The following TPCN1 variants were observed in gnomAD, a reference collection of about 807,000 sequenced individuals.
TPCN1 encodes two pore segment channel 1, also known as two pore channel protein 1.
A neutral mutation model predicts 108.8 loss-of-function variants in TPCN1; 52 were observed. That is an observed-to-expected ratio of 0.48 (90% CI 0.38 to 0.60). TPCN1 has a LOEUF of 0.60. TPCN1 is among the 20% of genes least tolerant of loss of function. The pLI is 0.00. For missense variants in TPCN1, 806 were observed against 1,072.8 expected, an observed-to-expected ratio of 0.75 and a Z score of 3.47; for synonymous variants, 446 against 433.7, an observed-to-expected ratio of 1.03 and a Z score of -0.35.
At chr12:113,247,818 C>T (rs932003553) in intron 2 of TPCN1, among the ~76,000 whole-genome samples, 2 of 152,238 alleles carry the variant, frequency 1.3e-5, no homozygotes, top group Non-Finnish European at 2.9e-5. Context: ...CCAGTGTCAC[C>T]CCAGGCCTTC....
intron 27 of TPCN1, among the ~76,000 whole-genome samples, chr12:113,295,252 T>C (rs1392002830): frequency 1.3e-5 from 2 of 151,996 alleles, no homozygotes; most frequent in Non-Finnish European, 2.9e-5. Flanking sequence ...AACTAGGCCA[T>C]CTCGAAGCTC....
At position 113,286,977 on chromosome 12, in the gene TPCN1, C is replaced by T. The variant is rs1279590852; in HGVS notation, c.1527-10C>T. The T allele has an allele frequency of 1.2e-6, 2 of 1,610,412 alleles. No homozygotes were observed. On this transcript the variant is annotated splice_polypyrimidine_tract_variant and intron_variant, in intron 18 of 27. Coordinates refer to ENST00000335509, the MANE Select transcript of TPCN1 (RefSeq NM_017901.6). ...CCACAGGGTGGACCTTGGCCTCTCC[C>T]CTACTGCAGGTTTGACTTCTCCGTG...
chr12:113,234,688 A>G (rs1953818625), intron 2 of TPCN1, among the ~76,000 whole-genome samples: 1 of 152,096 alleles, frequency 6.6e-6, no homozygotes, highest in Non-Finnish European at 1.5e-5. Flanking sequence ...TGTAGCAAAA[A>G]ATTTGAGAGC....
intron 10 of TPCN1, among the ~76,000 whole-genome samples, chr12:113,274,075 C>T (rs975565973): frequency 7.9e-5 from 12 of 152,186 alleles, no homozygotes; most frequent in African/African-American, 2.9e-4. Flanking sequence ...TTGCAGATAA[C>T]CTGTGTACAT....
chr12:113,290,148 C>T lies in TPCN1; in HGVS notation c.1817C>T (p.Ala606Val). The change falls in exon 22 of 28, where the codon GCC (alanine) becomes GTC (valine). Residue 606 changes from alanine (A) to valine (V), a missense_variant. Coordinates refer to ENST00000335509, the MANE Select transcript of TPCN1 (RefSeq NM_017901.6). ...GCCAGCACGAGTACAGTGGCAGATG[C>T]CTACCGCTGGCGCAACCACACCGTG... ...NCCNTSTVADAYRWRNHTVGN... is the reference protein window; with the variant it reads ...NCCNTSTVADVYRWRNHTVGN... 1.3e-6 allele frequency: 2 copies of T among 1,599,250 alleles called. No individual in the cohort carries two copies. Among genetic ancestry groups the T allele is most frequent in the Non-Finnish European group, 1.7e-6 (2 of 1,172,452 alleles).
In TPCN1 at chr12:113,288,738, C is replaced by G; in HGVS notation, c.1707-20C>G. ...TCCCTCCTGCCGGCCCCGCGTCACC[C>G]TGCCCCTGTCGCCCCACAGCCTGGG... On this transcript the variant is annotated intron_variant, in intron 20 of 27. Transcript: ENST00000335509. This position sits in a 1 kb window ranked among gnomAD's most constrained non-coding sequence, Gnocchi z 4.8. 6.2e-7 allele frequency: 1 copy of G among 1,610,834 alleles called. No individual in the cohort carries two copies. The highest frequency in any genetic ancestry group is 8.5e-7 in the Non-Finnish European group (1 of 1,179,880).
Position 113,267,922 on chromosome 12 carries a change from A to G in TPCN1, c.494A>G (p.His165Arg). 1 of 1,614,042 alleles carries G rather than the reference A, an allele frequency of 6.2e-7. No individual in the cohort carries two copies. Among genetic ancestry groups the G allele is most frequent in the Non-Finnish European group, 8.5e-7 (1 of 1,179,942 alleles). The change falls in exon 5 of 28, where the codon CAC becomes CGC. Residue 165 changes from histidine (H) to arginine (R), a missense_variant. Transcript: ENST00000335509. Reference protein sequence around the residue: ...LCMKLRWLGLHTFIRHKRTMV... With the variant: ...LCMKLRWLGLRTFIRHKRTMV... ...ATGAAGTTACGCTGGCTGGGCCTCC[A>G]CACCTTCATCCGGCACAAGCGGACC... is the stretch of plus-strand genomic sequence containing the variant.
At chr12:113,261,692 G>C (rs1401956682) in intron 3 of TPCN1, among the ~76,000 whole-genome samples, 1 of 152,072 alleles carries the variant, frequency 6.6e-6, no homozygotes, top group Non-Finnish European at 1.5e-5. Context: ...GCCTCCCAAA[G>C]TGCTGGGGTT....
chr12:113,223,911 T>TA (rs752106222), intron 1 of TPCN1, among the ~76,000 whole-genome samples: 6 of 151,376 alleles, frequency 4.0e-5, no homozygotes, highest in East Asian at 3.9e-4. Flanking sequence ...ACTCACCAGT[T>TA]AAAAAAAAAT....
At chr12:113,270,393 C>G (rs927375051) in intron 7 of TPCN1, among the ~76,000 whole-genome samples, 2 of 152,098 alleles carry the variant, frequency 1.3e-5, no homozygotes, top group Non-Finnish European at 2.9e-5. Context: ...GGCCTATTTC[C>G]TGATCCATAG....
chr12:113,276,539 C>T (rs769099026), intron 10 of TPCN1, among the ~76,000 whole-genome samples: 1 of 152,100 alleles, frequency 6.6e-6, no homozygotes, highest in Non-Finnish European at 1.5e-5. Flanking sequence ...TGGCTGGAGT[C>T]GGACTGGGCT....
At chr12:113,235,753 G>A (rs1316405971) in intron 2 of TPCN1, among the ~76,000 whole-genome samples, 1 of 152,124 alleles carries the variant, frequency 6.6e-6, no homozygotes, top group Non-Finnish European at 1.5e-5. Context: ...GTTTAGGGGA[G>A]GTGGACATGG....
intron 2 of TPCN1, among the ~76,000 whole-genome samples, chr12:113,258,903 C>G (rs1392544255): frequency 2.6e-5 from 4 of 152,188 alleles, no homozygotes; most frequent in Non-Finnish European, 5.9e-5. Context: ...CTGTCAGTCT[C>G]CTGTCCCTTG....
At position 113,288,333 on chromosome 12, in the gene TPCN1, C is replaced by A. The variant is rs1455430371; in HGVS notation, c.1706+99C>A. ...TGGCAGTCGGGGGAAAGGAGTTCCACAAAGGACTGCAATCGAGGGCCTGAC... is the reference window on the plus strand; with the variant it reads ...TGGCAGTCGGGGGAAAGGAGTTCCAAAAAGGACTGCAATCGAGGGCCTGAC... On this transcript the variant is annotated intron_variant, in intron 20 of 27. Coordinates refer to ENST00000335509, the MANE Select transcript of TPCN1 (RefSeq NM_017901.6). This position sits in a 1 kb window ranked among gnomAD's most constrained non-coding sequence, Gnocchi z 4.8. 3 of 1,566,158 alleles carry A rather than the reference C, an allele frequency of 1.9e-6. No individual in the cohort carries two copies. Among genetic ancestry groups the A allele is most frequent in the African/African-American group, 2.7e-5 (2 of 73,916 alleles).
In TPCN1 at chr12:113,277,372, C is replaced by T; in HGVS notation, c.1184+8C>T. The T allele has an allele frequency of 6.2e-7, 1 of 1,614,056 alleles. No individual in the cohort carries two copies. The highest frequency in any genetic ancestry group is 8.5e-7 in the Non-Finnish European group (1 of 1,179,982). On this transcript the variant is annotated splice_region_variant and intron_variant, in intron 12 of 27. Coordinates refer to ENST00000335509, the MANE Select transcript of TPCN1 (RefSeq NM_017901.6). ...CAACACACCCCTGCTCAGGTAAGAGCAGATGCCTGGTAGGGGCAGCATGGC... is the reference window on the plus strand; with the variant it reads ...CAACACACCCCTGCTCAGGTAAGAGTAGATGCCTGGTAGGGGCAGCATGGC...
In TPCN1 at chr12:113,291,715, C is replaced by T. The variant is rs765998801; in HGVS notation, c.2028+38C>T. The T allele has an allele frequency of 2.5e-6, 4 of 1,604,538 alleles. No individual in the cohort carries two copies. The East Asian group carries it at 9.0e-5, about 36-fold the overall frequency. ...CCACAGAACGCTCTTTGTCCTTCGT[C>T]TTCCACATCACCAGCTGCCCCTGCT... On this transcript the variant is annotated intron_variant, in intron 24 of 27. Coordinates refer to ENST00000335509, the MANE Select transcript of TPCN1 (RefSeq NM_017901.6).
Position 113,269,799 on chromosome 12 carries a change from C to T in TPCN1, c.702C>T (p.Asp234=). ...QIFQSLPPFM[D]ILLLLLFFMI... is the part of the protein sequence containing the mutation. ...TCCAGTCCCTGCCGCCCTTCATGGACATCCTCCTGCTGCTGCTGTTCTTCA... is the reference window on the plus strand; with the variant it reads ...TCCAGTCCCTGCCGCCCTTCATGGATATCCTCCTGCTGCTGCTGTTCTTCA... The change falls in exon 7 of 28, where the codon GAC becomes GAT. Residue 234 remains aspartate (D), a synonymous_variant. Coordinates refer to ENST00000335509, the MANE Select transcript of TPCN1 (RefSeq NM_017901.6). The surrounding 1 kb of genome is among the most constrained non-coding windows in gnomAD (Gnocchi z 5.0). The T allele has an allele frequency of 1.9e-6, 3 of 1,614,038 alleles. No homozygotes were observed. The highest frequency in any genetic ancestry group is 1.3e-5 in the African/African-American group (1 of 75,026).
At chr12:113,275,252 T>G (rs1170516963) in intron 10 of TPCN1, among the ~76,000 whole-genome samples, 1 of 152,220 alleles carries the variant, frequency 6.6e-6, no homozygotes, top group Non-Finnish European at 1.5e-5. Flanking sequence ...CTTTTCTCTT[T>G]TTTGAGATGG....
Position 113,231,748 on chromosome 12 carries a change from A to G in TPCN1, c.112+4784A>G, listed in dbSNP as rs1953694016. 6.6e-6 allele frequency among the ~76,000 whole-genome samples: 1 copy of G among 152,220 alleles called. No individual in the cohort carries two copies. Among genetic ancestry groups the G allele is most frequent in the Non-Finnish European group, 1.5e-5 (1 of 68,034 alleles). On this transcript the variant is annotated intron_variant, in intron 2 of 27. Coordinates refer to ENST00000335509, the MANE Select transcript of TPCN1 (RefSeq NM_017901.6). The surrounding 1 kb of genome is among the most constrained non-coding windows in gnomAD (Gnocchi z 4.3). ...TTTGGGCTCTAAGTGCGGCTGCTGC[A>G]GTGCTAATGAATGACTCACAGGCAG...
Sources: gnomAD v4.1 joint callset for allele counts (sites outside exome capture counted in the v4.1 genomes callset) on GRCh38, gnomAD v4.1.1 for gene constraint, Gnocchi (gnomAD v3.1) non-coding constraint, MANE v1.5 for transcripts, NCBI Gene and HGNC (gene_info 2026-07-23, HGNC 2026-07-21) for gene names.